NAV3: variants seen among roughly 807,000 people sequenced by gnomAD.
NAV3 encodes the protein pore membrane and/or filament interacting like protein 1.
NAV3 carries 87 observed loss-of-function variants against 244.7 expected under a neutral mutation model. The ratio of observed to expected loss-of-function variants is 0.36; its 90% CI spans 0.30 to 0.42. The LOEUF is 0.42. NAV3 is among the 20% of genes least tolerant of loss of function. NAV3 has a pLI of 1.00. For missense variants in NAV3, 2,663 were observed against 2,893.3 expected (o/e 0.92, Z 1.83); for synonymous variants, 1,126 against 1,042.2 (o/e 1.08, Z -1.55).
intron 28 of NAV3, among the ~76,000 whole-genome samples, chr12:78,178,579 A>C (rs1958359361): frequency 6.6e-6 from 1 of 152,140 alleles, no homozygotes; most frequent in African/African-American, 2.4e-5. Context: ...ACACATTTCG[A>C]ATATAGAAAA....
At chr12:77,681,963 T>A (rs1874491755) in intron 2 of NAV3, among the ~76,000 whole-genome samples, 1 of 152,220 alleles carries the variant, frequency 6.6e-6, no homozygotes. Flanking sequence ...ACATGCATTA[T>A]CTTGCATGTT....
chr12:78,059,500 G>A (rs1884008039), intron 12 of NAV3, among the ~76,000 whole-genome samples: 1 of 152,038 alleles, frequency 6.6e-6, no homozygotes, highest in African/African-American at 2.4e-5. Flanking sequence ...TGTTGGTCAG[G>A]ATGGTCTCCA....
At chr12:78,173,048 C>T (rs951175953) in intron 24 of NAV3, among the ~76,000 whole-genome samples, 40 of 151,468 alleles carry the variant, frequency 2.6e-4, no homozygotes, top group Non-Finnish European at 5.2e-4. Flanking sequence ...TGGAAAATGA[C>T]GAGTGAACAA....
At chr12:77,688,807 T>C (rs1874874924) in intron 2 of NAV3, among the ~76,000 whole-genome samples, 1 of 151,872 alleles carries the variant, frequency 6.6e-6, no homozygotes, top group Non-Finnish European at 1.5e-5. Context: ...ATTAGAGATA[T>C]ACAGGTGTAG....
chr12:77,667,544 A>G (rs766780495), intron 2 of NAV3, among the ~76,000 whole-genome samples: 2 of 152,078 alleles, frequency 1.3e-5, no homozygotes, highest in Admixed American at 6.6e-5. Context: ...CACTGGGAAC[A>G]TAAGTCCATT....
At chr12:77,889,186 A>G (rs766872718) in intron 1 of NAV3, among the ~76,000 whole-genome samples, 7 of 152,232 alleles carry the variant, frequency 4.6e-5, no homozygotes, top group South Asian at 2.1e-4. Context: ...AATAAAGCAG[A>G]TTGCCCTCCC....
chr12:78,055,513 C>G (rs1290151327), intron 11 of NAV3, among the ~76,000 whole-genome samples: 2 of 152,068 alleles, frequency 1.3e-5, no homozygotes, highest in African/African-American at 4.8e-5. Flanking sequence ...CACAAAGAAG[C>G]TAATTTGTTC....
At chr12:78,047,530 A>G (rs1444799013) in intron 9 of NAV3, among the ~76,000 whole-genome samples, 1 of 152,078 alleles carries the variant, frequency 6.6e-6, no homozygotes, top group African/African-American at 2.4e-5. Flanking sequence ...AACGTTGAAT[A>G]TTGGCCCTCA....
At chr12:78,157,380 T>A (rs1957348379) in intron 22 of NAV3, among the ~76,000 whole-genome samples, 1 of 146,186 alleles carries the variant, frequency 6.8e-6, no homozygotes, top group Non-Finnish European at 1.5e-5. Flanking sequence ...TGAGGCACTG[T>A]CTCTACAGAA....
At chr12:78,170,417 C>G (rs1957953920) in intron 24 of NAV3, among the ~76,000 whole-genome samples, 2 of 151,650 alleles carry the variant, frequency 1.3e-5, no homozygotes, top group African/African-American at 4.8e-5. Flanking sequence ...TCCATCACCT[C>G]TCTCCTGAAC....
intron 1 of NAV3, among the ~76,000 whole-genome samples, chr12:77,934,063 C>T (rs1889085387): frequency 6.6e-6 from 1 of 152,118 alleles, no homozygotes; most frequent in African/African-American, 2.4e-5. Context: ...CAGTTTAAAA[C>T]TCAGTGTTTG....
chr12:78,137,115 C>T, intron 18 of NAV3, 62 bp from the exon 19 acceptor site: 1 of 1,451,858 alleles, frequency 6.9e-7, no homozygotes, highest in Non-Finnish European at 9.3e-7. Context: ...TACTTTCTAT[C>T]AACCTGCTAT....
At chr12:77,903,092 C>G (rs1005658368) in intron 1 of NAV3, among the ~76,000 whole-genome samples, 19 of 152,036 alleles carry the variant, frequency 1.2e-4, no homozygotes, top group Non-Finnish European at 4.4e-5. Context: ...AGATTCAATG[C>G]CATCCCCATC....
chr12:77,785,067 GAATT>G (rs1392918085), intron 2 of NAV3, among the ~76,000 whole-genome samples: 1 of 152,064 alleles, frequency 6.6e-6, no homozygotes, highest in East Asian at 1.9e-4. Context: ...AGCAAAATGA[GAATT>G]AATAGAAATA....
Position 77,898,473 on chromosome 12 carries a change from CTTTAA to C in NAV3, c.244-41840_244-41836del, listed in dbSNP as rs557640448. On this transcript the variant is annotated intron_variant, in intron 1 of 39. Transcript: ENST00000397909. ...ATAAACTTGATGAAGATGTAGGCCA[CTTTAA>C]TTTAAGTAAATAATTGAAAGAATTA... 2.0e-4 allele frequency among the ~76,000 whole-genome samples: 31 copies of C among 152,190 alleles called. No homozygotes were observed. The South Asian group carries it at 2.1e-3, about 10-fold the overall frequency.
rs556971628 is a variant in NAV3, at chr12:77,776,123, A to G, written c.73-164196A>G. On this transcript the variant is annotated intron_variant, in intron 2 of 8. Transcript: ENST00000550042. Reference sequence around the variant, plus strand: ...GAAGCCCAATTAATGTGTTACTTATAAAATTCATCTGTCACATGTGCCTGA... The same window carrying G: ...GAAGCCCAATTAATGTGTTACTTATGAAATTCATCTGTCACATGTGCCTGA... 2.6e-5 allele frequency among the ~76,000 whole-genome samples: 4 copies of G among 152,322 alleles called. No homozygotes were observed. The South Asian group carries it at 6.2e-4, about 24-fold the overall frequency.
intron 2 of NAV3, among the ~76,000 whole-genome samples, chr12:77,789,884 C>T (rs1871106843): frequency 7.1e-6 from 1 of 141,694 alleles, no homozygotes; most frequent in African/African-American, 2.6e-5. Flanking sequence ...AGTCTCATAA[C>T]ATTTTAAGAG....
intron 9 of NAV3, among the ~76,000 whole-genome samples, chr12:78,049,113 G>A (rs1427994576): frequency 6.6e-6 from 1 of 152,150 alleles, no homozygotes; most frequent in Non-Finnish European, 1.5e-5. Flanking sequence ...CTGCTGTGCT[G>A]GCAATGAGAA....
intron 2 of NAV3, among the ~76,000 whole-genome samples, chr12:77,715,213 T>C (rs1328839230): frequency 6.6e-6 from 1 of 151,996 alleles, no homozygotes; most frequent in East Asian, 1.9e-4. Context: ...CAATGAAATT[T>C]AAATAAAATG....
Sources: allele counts gnomAD v4.1 joint callset (sites outside exome capture counted in the v4.1 genomes callset), GRCh38; gene constraint gnomAD v4.1.1; transcripts MANE v1.5; gene names NCBI Gene and HGNC (gene_info 2026-07-23, HGNC 2026-07-21).